RALYL: variants seen among roughly 807,000 people sequenced by gnomAD.
RALYL encodes the protein RALY RNA binding protein like.
In RALYL, 29 loss-of-function variants were observed where a neutral mutation model predicts 35.1. That is an observed-to-expected ratio of 0.83 (90% CI 0.61 to 1.13). The LOEUF is 1.13. RALYL is among the 50% of genes most tolerant of loss of function. The probability of loss-of-function intolerance (pLI) is 0.00; values close to 1 mark genes in which losing one functional copy is unlikely to be tolerated. For missense variants in RALYL, 359 were observed against 360.4 expected (o/e 1.00, Z 0.03); for synonymous variants, 120 against 127.6 (o/e 0.94, Z 0.40).
intron 2 of RALYL, among the ~76,000 whole-genome samples, chr8:84,763,284 A>G (rs1237637586): frequency 2.6e-5 from 4 of 152,210 alleles, no homozygotes; most frequent in African/African-American, 7.2e-5. Context: ...TCACCAAGGT[A>G]AAACCTGAGA....
At chr8:84,829,374 T>C (rs1396405141) in intron 4 of RALYL, 1 of 153,156 alleles carries the variant, frequency 6.5e-6, no homozygotes, top group East Asian at 1.9e-4. Flanking sequence ...CCAAGCCTTC[T>C]GGGAGATGTG....
At chr8:84,490,659 C>T (rs534205184) in intron 1 of RALYL, among the ~76,000 whole-genome samples, 2 of 151,378 alleles carry the variant, frequency 1.3e-5, no homozygotes, top group Non-Finnish European at 2.9e-5. Context: ...TGGGCATTTC[C>T]AAGAATATAT....
intron 1 of RALYL, among the ~76,000 whole-genome samples, chr8:84,320,254 A>G (rs945362043): frequency 1.3e-5 from 2 of 152,048 alleles, no homozygotes; most frequent in African/African-American, 4.8e-5. Context: ...CATATGAAAT[A>G]TAAGTGAGTA....
At chr8:84,306,853 T>C (rs1841913097) in intron 1 of RALYL, among the ~76,000 whole-genome samples, 2 of 152,156 alleles carry the variant, frequency 1.3e-5, no homozygotes, top group Non-Finnish European at 2.9e-5. Context: ...TATCCTGGTG[T>C]TTAGATCAGG....
At chr8:84,207,971 T>C (rs1213836822) in intron 1 of RALYL, among the ~76,000 whole-genome samples, 1 of 152,138 alleles carries the variant, frequency 6.6e-6, no homozygotes, top group Non-Finnish European at 1.5e-5. Context: ...GTTCGCTCTT[T>C]GAAGAAGTTA....
chr8:84,308,744 A>G (rs1051011988), intron 1 of RALYL, among the ~76,000 whole-genome samples: 10 of 152,328 alleles, frequency 6.6e-5, no homozygotes, highest in Admixed American at 4.6e-4. Flanking sequence ...CAGAACTAAG[A>G]CAAACATCTG....
At chr8:84,202,397 A>G (rs987512572) in intron 1 of RALYL, among the ~76,000 whole-genome samples, 1 of 139,838 alleles carries the variant, frequency 7.2e-6, no homozygotes, top group Non-Finnish European at 1.5e-5. Flanking sequence ...TTTTTGAGAC[A>G]AGTCTTGCTC....
intron 1 of RALYL, among the ~76,000 whole-genome samples, chr8:84,199,684 A>G (rs1479725190): frequency 6.6e-6 from 1 of 152,098 alleles, no homozygotes; most frequent in Non-Finnish European, 1.5e-5. Flanking sequence ...ATGGCATGAG[A>G]TGGTTGTCTA....
chr8:84,675,737 T>C (rs1834061104), intron 2 of RALYL, among the ~76,000 whole-genome samples: 1 of 152,298 alleles, frequency 6.6e-6, no homozygotes, highest in Non-Finnish European at 1.5e-5. Flanking sequence ...GTAGATATTC[T>C]CCTTGGCGTT....
At chr8:84,396,783 G>GA (rs201616022) in intron 1 of RALYL, among the ~76,000 whole-genome samples, 13 of 149,830 alleles carry the variant, frequency 8.7e-5, no homozygotes, top group Non-Finnish European at 1.3e-4. Context: ...GAAAATATTT[G>GA]AAAAAAAAAG....
At chr8:84,312,994 T>C (rs986567781) in intron 1 of RALYL, among the ~76,000 whole-genome samples, 1 of 152,232 alleles carries the variant, frequency 6.6e-6, no homozygotes, top group African/African-American at 2.4e-5. Flanking sequence ...TGCATGGACA[T>C]CCAGGCATTT....
intron 1 of RALYL, among the ~76,000 whole-genome samples, chr8:84,435,233 T>C (rs2047575764): frequency 6.6e-6 from 1 of 152,174 alleles, no homozygotes; most frequent in Admixed American, 6.6e-5. Flanking sequence ...TACACAGATA[T>C]TAGAATTCAT....
intron 2 of RALYL, among the ~76,000 whole-genome samples, chr8:84,766,313 C>G (rs970981799): frequency 1.3e-5 from 2 of 151,900 alleles, no homozygotes; most frequent in Non-Finnish European, 2.9e-5. Flanking sequence ...GCAGTTTTAT[C>G]TGTTAAGTGT....
At chr8:84,610,891 T>G (rs1280089470) in intron 2 of RALYL, among the ~76,000 whole-genome samples, 1 of 151,976 alleles carries the variant, frequency 6.6e-6, no homozygotes, top group African/African-American at 2.4e-5. Flanking sequence ...TGTGTGTATA[T>G]TTTGTTTGTT....
At chr8:84,594,482 T>A (rs910566605) in intron 2 of RALYL, among the ~76,000 whole-genome samples, 2 of 152,042 alleles carry the variant, frequency 1.3e-5, no homozygotes, top group Non-Finnish European at 2.9e-5. Context: ...ATGAACATGA[T>A]TTATTATGAA....
intron 2 of RALYL, among the ~76,000 whole-genome samples, chr8:84,595,883 G>C (rs1814410734): frequency 6.6e-6 from 1 of 150,878 alleles, no homozygotes; most frequent in Non-Finnish European, 1.5e-5. Flanking sequence ...CATGGGAACA[G>C]CAGGCAGGAT....
chr8:84,913,049 T>TAGATAGAC (rs1847837847), intron 8 of RALYL, among the ~76,000 whole-genome samples: 1 of 149,860 alleles, frequency 6.7e-6, no homozygotes, highest in African/African-American at 2.5e-5. Flanking sequence ...GGTAGATAGA[T>TAGATAGAC]AGATAGATAG....
chr8:84,358,193 G>T (rs947139214), intron 1 of RALYL, among the ~76,000 whole-genome samples: 2 of 151,628 alleles, frequency 1.3e-5, no homozygotes, highest in Non-Finnish European at 2.9e-5. Context: ...TTTTCATTTT[G>T]AACTTTTTAA....
intron 1 of RALYL, among the ~76,000 whole-genome samples, chr8:84,466,485 G>A (rs1253322830): frequency 6.6e-6 from 1 of 151,140 alleles, no homozygotes; most frequent in Admixed American, 6.6e-5. Flanking sequence ...GCATCCCAGG[G>A]ATGAAGCCCA....
Sources: allele counts gnomAD v4.1 joint callset (sites outside exome capture counted in the v4.1 genomes callset), GRCh38; gene constraint gnomAD v4.1.1; transcripts MANE v1.5; gene names NCBI Gene and HGNC (gene_info 2026-07-23, HGNC 2026-07-21).